HMCN1: variants seen among roughly 807,000 people sequenced by gnomAD.
HMCN1 encodes hemicentin-1.
A neutral mutation model predicts 625.9 loss-of-function variants in HMCN1; 321 were observed. The ratio of observed to expected loss-of-function variants is 0.51; its 90% CI spans 0.47 to 0.56. The LOEUF (loss-of-function observed/expected upper bound fraction) is 0.56. Among genes scored for constraint, HMCN1 ranks in the 20% least tolerant of loss-of-function variants. The probability of loss-of-function intolerance (pLI) is 0.00; values close to 1 mark genes in which losing one functional copy is unlikely to be tolerated. For missense variants in HMCN1, 6,588 were observed against 6,887.3 expected (o/e 0.96, Z 1.54); for synonymous variants, 2,425 against 2,417.6 (o/e 1.00, Z -0.09).
At chr1:186,058,269 A>T (rs1204104639) in intron 46 of HMCN1, among the ~76,000 whole-genome samples, 1 of 151,958 alleles carries the variant, frequency 6.6e-6, no homozygotes. Context: ...ATATGAAAAG[A>T]TGTCTGAATT....
In HMCN1 at chr1:186,103,668, GGTAA is replaced by G; in HGVS notation, c.10770+3_10770+6del. On this transcript the variant is annotated splice_donor_variant and splice_donor_region_variant and intron_variant, in intron 69 of 106. Coordinates refer to ENST00000271588, the MANE Select transcript of HMCN1 (RefSeq NM_031935.3). LOFTEE classifies it high-confidence loss of function. The stretch of plus-strand genomic sequence containing the variant: ...AGGTTCTTCGAATTTCTACTGCTCA[GGTAA>G]GTGTCAAAGTTCATAGAATTATTTT... 6.2e-7 allele frequency: 1 copy of G among 1,612,878 alleles called. No homozygotes were observed. The highest frequency in any genetic ancestry group is 8.5e-7 in the Non-Finnish European group (1 of 1,179,106).
At chr1:186,031,548 T>C (rs1655440974) in intron 36 of HMCN1, among the ~76,000 whole-genome samples, 1 of 152,074 alleles carries the variant, frequency 6.6e-6, no homozygotes, top group South Asian at 2.1e-4. Context: ...TATAGATTGA[T>C]GCTTTTCTTC....
At position 185,790,317 on chromosome 1, in the gene HMCN1, G is replaced by T. The variant is rs79413398; in HGVS notation, c.268+55270G>T. ...TCCAACTGTTGCCAACAACATGCTT[G>T]TTGCCAAAGCAAACAGTGATTTTGT... is the stretch of plus-strand genomic sequence containing the variant. On this transcript the variant is annotated intron_variant, in intron 1 of 106. Transcript: ENST00000271588. Among the ~76,000 whole-genome samples the T allele has an allele frequency of 3.0e-3, 452 of 152,294 alleles. 5 individuals carry two copies. Among genetic ancestry groups the T allele is most frequent in the Admixed American group, 0.024 (368 of 15,296 alleles).
rs1380564430 is a variant in HMCN1 at position 186,166,801 on chromosome 1, G to A, written c.15440-7G>A. 1 of 1,614,108 alleles carries A rather than the reference G, an allele frequency of 6.2e-7. No individual in the cohort carries two copies. The highest frequency in any genetic ancestry group is 2.2e-5 in the East Asian group (1 of 44,876). On this transcript the variant is annotated splice_polypyrimidine_tract_variant and splice_region_variant and intron_variant, in intron 99 of 106. Transcript: ENST00000271588. ...TCACCTCAGTTGAATGATTCCCTCT[G>A]TTGCAGATATTGATGAGTGTGCTTT...
intron 1 of HMCN1, among the ~76,000 whole-genome samples, chr1:185,835,085 C>A (rs1388019187): frequency 6.6e-6 from 1 of 152,114 alleles, no homozygotes; most frequent in African/African-American, 2.4e-5. Context: ...AAACACAGGT[C>A]AATTACTGCA....
intron 1 of HMCN1, among the ~76,000 whole-genome samples, chr1:185,811,629 G>T (rs1659525334): frequency 6.6e-6 from 1 of 151,820 alleles, no homozygotes; most frequent in Non-Finnish European, 1.5e-5. Context: ...AAGGAGGTGT[G>T]TGGATTTGTT....
intron 53 of HMCN1, among the ~76,000 whole-genome samples, chr1:186,076,141 A>G (rs1658797494): frequency 6.6e-6 from 1 of 152,100 alleles, no homozygotes; most frequent in South Asian, 2.1e-4. Context: ...CCTTCCTGAG[A>G]GTGAGCCCCT....
At chr1:185,951,756 GTGTAGCAAGCTCC>G (rs2102533964) in intron 11 of HMCN1, among the ~76,000 whole-genome samples, 1 of 151,916 alleles carries the variant, frequency 6.6e-6, no homozygotes, top group South Asian at 2.1e-4. Context: ...TTTCCGGCAC[GTGTAGCAAGCTCC>G]TGGGGGAGGA....
chr1:185,987,864 A>C (rs901383398), intron 20 of HMCN1, among the ~76,000 whole-genome samples: 17 of 152,046 alleles, frequency 1.1e-4, no homozygotes, highest in Non-Finnish European at 1.2e-4. Context: ...GGTCCAAAAA[A>C]AAAAAAACAA....
chr1:185,754,996 G>A (rs1179778118), intron 1 of HMCN1, among the ~76,000 whole-genome samples: 1 of 152,168 alleles, frequency 6.6e-6, no homozygotes, highest in East Asian at 1.9e-4. Flanking sequence ...TGTGTGAAAT[G>A]TGGATAATTA....
chr1:186,004,789 C>T (rs1335640059), intron 29 of HMCN1, among the ~76,000 whole-genome samples: 1 of 151,950 alleles, frequency 6.6e-6, no homozygotes, highest in African/African-American at 2.4e-5. Context: ...TCATGCATAT[C>T]CACAGAGAGG....
Position 186,137,543 on chromosome 1 carries a change from T to A in HMCN1, c.13628T>A (p.Val4543Asp), listed in dbSNP as rs1248343523. Residue 4543 changes from valine (V) to aspartate (D), a missense_variant, in exon 88 of 107, where the codon GTC becomes GAC. Physicochemically the swap from Val to Asp is radical, Grantham distance 152. Around this residue, in one of 3 missense-constraint regions of HMCN1, gnomAD observed 1,954 missense variants for 2,013.1 expected, o/e 0.97. Coordinates refer to ENST00000271588, the MANE Select transcript of HMCN1 (RefSeq NM_031935.3). ...TGGTCTGCATGGAGAGCCTGCAGTG[T>A]CACCTGTGGAAAAGGCATCCAAAAG... is the stretch of plus-strand genomic sequence containing the variant. ...SQWSAWRACS[V>D]TCGKGIQKRS... 1 of 1,613,812 alleles carries A rather than the reference T, an allele frequency of 6.2e-7. No individual in the cohort carries two copies. The highest frequency in any genetic ancestry group is 1.7e-5 in the Admixed American group (1 of 59,942).
At chr1:185,739,624 G>GCATT (rs1180395541) in intron 1 of HMCN1, among the ~76,000 whole-genome samples, 2 of 152,080 alleles carry the variant, frequency 1.3e-5, no homozygotes, top group Non-Finnish European at 2.9e-5. Flanking sequence ...GAGTCTCCAT[G>GCATT]CATTCATTCA....
chr1:185,997,546 A>G, intron 25 of HMCN1, 22 bp downstream of exon 25: 2 of 1,472,008 alleles, frequency 1.4e-6, no homozygotes, highest in Non-Finnish European at 1.9e-6. Context: ...TGAAAGATAT[A>G]GGCATTGGCA....
intron 99 of HMCN1, 57 bp downstream of exon 99, chr1:186,166,360 A>C: frequency 6.2e-7 from 1 of 1,606,150 alleles, no homozygotes; most frequent in Non-Finnish European, 8.5e-7. Flanking sequence ...TCTTTGACCT[A>C]GAAAAAGTAT....
At position 186,119,829 on chromosome 1, in the gene HMCN1, C is replaced by T. The variant is rs749306862; in HGVS notation, c.12041C>T (p.Thr4014Ile). 12 of 1,613,984 alleles carry T rather than the reference C, an allele frequency of 7.4e-6. No individual in the cohort carries two copies. The highest frequency in any genetic ancestry group is 1.0e-5 in the Non-Finnish European group (12 of 1,179,974). ...TTATTACCATGTGAAGCAACAGGGA[C>T]ACCCAGTCCTTTCATTACTTGGCAA... The part of the protein sequence containing the change: ...PILLPCEATG[T>I]PSPFITWQKE... Residue 4014 changes from threonine (T) to isoleucine (I), a missense_variant, in exon 79 of 107, where the codon ACA (threonine) becomes ATA (isoleucine). Thr to Ile is a moderately conservative substitution (Grantham distance 89, BLOSUM62 -1). Transcript: ENST00000271588.
At chr1:186,119,669 T>G in intron 78 of HMCN1, 76 bp from the exon 79 acceptor site, 2 of 1,453,396 alleles carry the variant, frequency 1.4e-6, no homozygotes, top group South Asian at 1.2e-5. Context: ...TTGGGTATTT[T>G]TAAGCTCATT....
chr1:186,161,365 T>C (rs1651465123), intron 97 of HMCN1, among the ~76,000 whole-genome samples: 1 of 150,098 alleles, frequency 6.7e-6, no homozygotes, highest in Non-Finnish European at 1.5e-5. Flanking sequence ...GGGTCTTGTC[T>C]CTTTATCCAA....
chr1:185,970,615 T>C, intron 15 of HMCN1, 122 bp downstream of exon 15: 1 of 821,888 alleles, frequency 1.2e-6, no homozygotes, highest in Non-Finnish European at 2.1e-6. Flanking sequence ...GAGGGTGCAT[T>C]TCAGATTAAT....
Sources: allele counts gnomAD v4.1 joint callset (sites outside exome capture counted in the v4.1 genomes callset), GRCh38; gene constraint gnomAD v4.1.1; regional missense constraint gnomAD v4.1.1; transcripts MANE v1.5; gene names NCBI Gene and HGNC (gene_info 2026-07-23, HGNC 2026-07-21).